NAF1: variants seen among roughly 807,000 people sequenced by gnomAD.
NAF1 encodes the protein nuclear assembly factor 1 ribonucleoprotein, also known as H/ACA ribonucleoprotein complex non-core subunit NAF1.
A neutral mutation model predicts 40.6 loss-of-function variants in NAF1; 11 were observed. The observed-to-expected ratio is 0.27, with a 90% CI of 0.17 to 0.45. The LOEUF is 0.45. NAF1 is among the 20% of genes least tolerant of loss of function. The pLI, the probability that NAF1 is intolerant of heterozygous loss-of-function variation, is 1.00. For synonymous variants in NAF1, 260 were observed against 228.5 expected, an observed-to-expected ratio of 1.14 and a Z score of -1.24; for missense variants, 607 against 611.1, an observed-to-expected ratio of 0.99 and a Z score of 0.07.
chr4:163,158,787 C>A (rs943057170), intron 2 of NAF1, among the ~76,000 whole-genome samples: 1 of 152,178 alleles, frequency 6.6e-6, no homozygotes, highest in East Asian at 1.9e-4. Flanking sequence ...CTTTAAGACA[C>A]TGATTTTATA....
In NAF1 at chr4:163,133,186, C is replaced by T. The variant is rs1260753515; in HGVS notation, c.1001G>A (p.Arg334Gln). ...KQRKKSQIQG[R>Q]KKLKSEFNEP... Reference sequence around the variant, plus strand: ...ATTAAATTCAGATTTGAGTTTTTTCCGGCCTTGAATCTGAGATTTTTTCCT... The same window carrying T: ...ATTAAATTCAGATTTGAGTTTTTTCTGGCCTTGAATCTGAGATTTTTTCCT... The change falls in exon 7 of 8, where the codon CGG becomes CAG. Residue 334 changes from arginine to glutamine, a missense_variant. Coordinates refer to ENST00000274054, the MANE Select transcript of NAF1 (RefSeq NM_138386.3). 6 of 1,613,508 alleles carry T rather than the reference C, an allele frequency of 3.7e-6. No individual in the cohort carries two copies. Among genetic ancestry groups the T allele is most frequent in the South Asian group, 2.2e-5 (2 of 91,072 alleles).
chr4:163,133,450 T>C, intron 6 of NAF1, 194 bp from the exon 7 acceptor site: 1 of 517,208 alleles, frequency 1.9e-6, no homozygotes, highest in Non-Finnish European at 3.4e-6. Flanking sequence ...AAATGCTTAA[T>C]GACTTTAATT....
At chr4:163,161,491 AC>A (rs995053812) in intron 2 of NAF1, among the ~76,000 whole-genome samples, 3 of 151,948 alleles carry the variant, frequency 2.0e-5, no homozygotes, top group African/African-American at 7.2e-5. Flanking sequence ...AAAAAAAAAA[AC>A]CAAAAAACAA....
intron 4 of NAF1, among the ~76,000 whole-genome samples, chr4:163,141,140 G>A (rs972584013): frequency 5.9e-5 from 9 of 152,068 alleles, no homozygotes; most frequent in African/African-American, 1.9e-4. Context: ...TGAGGCGGGC[G>A]GATCACCTGA....
chr4:163,129,231 C>T lies in NAF1; in HGVS notation c.1151G>A (p.Arg384Gln), dbSNP rs780065690. The T allele has an allele frequency of 7.9e-5, 127 of 1,613,660 alleles. No homozygotes were observed. Among genetic ancestry groups the T allele is most frequent in the Middle Eastern group, 3.3e-4 (2 of 6,084 alleles). ...AGGTGGAGGCCTGCCATGGCAAGAT[C>T]GAGGGTATCTGGCCCTGGAAAATCC... is the stretch of plus-strand genomic sequence containing the variant. ...TRGFSRARYP[R>Q]SCHGRPPPQH... is the part of the protein sequence containing the mutation. Residue 384 changes from arginine to glutamine, a missense_variant, in exon 8 of 8, where the codon CGA becomes CAA. Around this residue, in one of 3 missense-constraint regions of NAF1, gnomAD observed 189 missense variants for 216.6 expected, o/e 0.87. Transcript: ENST00000274054.
At chr4:163,151,546 CTT>C (rs1409227627) in intron 2 of NAF1, among the ~76,000 whole-genome samples, 2 of 152,008 alleles carry the variant, frequency 1.3e-5, no homozygotes, top group East Asian at 3.9e-4. Context: ...ACTAAGTACA[CTT>C]ATATATTTGG....
At chr4:163,113,994 G>C (rs72695093) in intron 2 of NAF1, among the ~76,000 whole-genome samples, 8,948 of 152,120 alleles carry the variant, frequency 0.059, 368 homozygotes, top group Non-Finnish European at 0.09. Flanking sequence ...GATTCGGTCA[G>C]AAAAACAAAG....
chr4:163,120,522 G>A (rs1204502196), intron 2 of NAF1, among the ~76,000 whole-genome samples: 1 of 152,194 alleles, frequency 6.6e-6, no homozygotes, highest in East Asian at 1.9e-4. Flanking sequence ...GGAACTAACT[G>A]TAAGATATGC....
In NAF1 at chr4:163,164,219, T is replaced by A; in HGVS notation, c.538A>T (p.Asn180Tyr). 6.5e-7 allele frequency: 1 copy of A among 1,534,016 alleles called. No homozygotes were observed. Among genetic ancestry groups the A allele is most frequent in the Non-Finnish European group, 8.8e-7 (1 of 1,142,450 alleles). Residue 180 changes from asparagine to tyrosine, a missense_variant and splice_region_variant, in exon 2 of 8, where the codon AAT (asparagine) becomes TAT (tyrosine). Around this residue, in one of 3 missense-constraint regions of NAF1, gnomAD observed 407 missense variants for 365.5 expected, o/e 1.11. Transcript: ENST00000274054. ...GCTTAATAAATCTAAGTACTTACAT[T>A]AAGAAGTAATTCATCTTTTGTTTTA... ...PLKTKDELLL[N>Y]ELPSVEELTI... is the part of the protein sequence containing the mutation.
At chr4:163,147,746 A>T (rs545407978) in intron 3 of NAF1, among the ~76,000 whole-genome samples, 9 of 152,294 alleles carry the variant, frequency 5.9e-5, no homozygotes, top group Admixed American at 5.2e-4. Flanking sequence ...ATTATCCTGG[A>T]TTATGCAGGT....
At chr4:163,104,710 G>T in the NAF1 span, among the ~76,000 whole-genome samples, 4 of 152,208 alleles carry the variant, frequency 2.6e-5, no homozygotes, top group Non-Finnish European at 4.4e-5. Flanking sequence ...TGCAATAAAA[G>T]TGATACGCTT....
chr4:163,123,055 G>T (rs575186828), downstream of NAF1, among the ~76,000 whole-genome samples: 31 of 152,312 alleles, frequency 2.0e-4, no homozygotes, highest in African/African-American at 7.5e-4. Context: ...ATTAAGAAAA[G>T]AGGTTTATTT....
Position 163,143,349 on chromosome 4 carries a change from G to A in NAF1, c.717+2433C>T, listed in dbSNP as rs373831664. On this transcript the variant is annotated intron_variant, in intron 4 of 7. Coordinates refer to ENST00000274054, the MANE Select transcript of NAF1 (RefSeq NM_138386.3). ...ATCTGCTGGGAAAAATAACTGACAA[G>A]CAGAGAAGATATAGAGTGCATGCAG... Among the ~76,000 whole-genome samples, 13 of 152,280 alleles carry A rather than the reference G, an allele frequency of 8.5e-5. No homozygotes were observed. The South Asian group carries it at 2.7e-3, about 32-fold the overall frequency.
chr4:163,140,171 T>TA, intron 5 of NAF1, 52 bp downstream of exon 5: 1 of 1,414,272 alleles, frequency 7.1e-7, no homozygotes, highest in South Asian at 1.4e-5. Context: ...GAATTATTCT[T>TA]AAAATATAAA....
chr4:163,114,411 C>CT (rs1730262001), intron 2 of NAF1, among the ~76,000 whole-genome samples: 1 of 152,196 alleles, frequency 6.6e-6, no homozygotes, highest in Non-Finnish European at 1.5e-5. Flanking sequence ...CCTTGATCAA[C>CT]TCGAATCCAG....
At chr4:163,143,443 C>G (rs1457592889) in intron 4 of NAF1, among the ~76,000 whole-genome samples, 2 of 152,166 alleles carry the variant, frequency 1.3e-5, no homozygotes, top group Non-Finnish European at 2.9e-5. Flanking sequence ...AAAGTTTCAG[C>G]GGCGTAGAAG....
downstream of NAF1, among the ~76,000 whole-genome samples, chr4:163,124,991 T>C (rs933074272): frequency 6.6e-6 from 1 of 152,228 alleles, no homozygotes; most frequent in Admixed American, 6.5e-5. Flanking sequence ...TTAACTGTTA[T>C]TTGTGTTATA....
downstream of NAF1, chr4:163,127,165 T>C (rs920775483): frequency 6.5e-7 from 1 of 1,531,348 alleles, no homozygotes; most frequent in African/African-American, 1.4e-5. Context: ...AGTCTTGCTC[T>C]GCCACCCAGG....
chr4:163,138,928 A>G (rs1731155713), intron 5 of NAF1, among the ~76,000 whole-genome samples: 1 of 152,158 alleles, frequency 6.6e-6, no homozygotes, highest in African/African-American at 2.4e-5. Context: ...GAACATATTA[A>G]TATCTTGAAG....
Sources: gnomAD v4.1 joint callset for allele counts (sites outside exome capture counted in the v4.1 genomes callset) on GRCh38, gnomAD v4.1.1 for gene constraint, gnomAD v4.1.1 regional missense constraint, MANE v1.5 for transcripts, NCBI Gene and HGNC (gene_info 2026-07-23, HGNC 2026-07-21) for gene names.